Variants in RERE observed in about 807,000 individuals in gnomAD.
RERE encodes the protein arginine-glutamic acid dipeptide repeats.
In RERE, 40 loss-of-function variants were observed where a neutral mutation model predicts 146.1. That is an observed-to-expected ratio of 0.27 (90% CI 0.21 to 0.36). The LOEUF (loss-of-function observed/expected upper bound fraction) is 0.36. Ranked by LOEUF, RERE falls within the 10% of genes least tolerant of loss-of-function variation. The pLI is 1.00. For missense variants in RERE, 1,933 were observed against 2,138.7 expected (o/e 0.90, Z 1.90); for synonymous variants, 1,003 against 866.0 (o/e 1.16, Z -2.78).
chr1:8,422,730 T>C lies in RERE; in HGVS notation c.1281A>G (p.Glu427=), dbSNP rs1235652597. The part of the protein sequence containing the change: ...RIRKELLPNK[E]TGELITFYYY... ...CATAAAGTCCAATTGTACTCACTGT[T>C]TCCTTATTGGGAAGCAGCTCCTTTC... Residue 427 remains glutamate, a synonymous_variant, in exon 12 of 23, where the codon GAA becomes GAG. Transcript: ENST00000400908. 6.2e-7 allele frequency: 1 copy of C among 1,610,568 alleles called. No homozygotes were observed. The highest frequency in any genetic ancestry group is 8.5e-7 in the Non-Finnish European group (1 of 1,176,760).
chr1:8,653,771 A>C (rs755790138), intron 2 of RERE, among the ~76,000 whole-genome samples: 5 of 152,106 alleles, frequency 3.3e-5, no homozygotes, highest in Non-Finnish European at 5.9e-5. Context: ...CGCCCTAAAC[A>C]AGCAATCTGT....
chr1:8,450,914 A>G (rs1644383172), intron 11 of RERE, among the ~76,000 whole-genome samples: 1 of 152,098 alleles, frequency 6.6e-6, no homozygotes, highest in Non-Finnish European at 1.5e-5. Flanking sequence ...GTCTGTGTCT[A>G]CCATTCTTGG....
At chr1:8,746,876 AAGAGAGAGAG>A (rs201913344) in intron 1 of RERE, among the ~76,000 whole-genome samples, 7 of 145,292 alleles carry the variant, frequency 4.8e-5, no homozygotes, top group South Asian at 2.2e-4. Flanking sequence ...GGGAACAAAA[AAGAGAGAGAG>A]AGAGAGAGAG....
rs536366907 is a variant in RERE, at chr1:8,480,646, G to A, written c.1104+14417C>T. ...AGACGGGGTTTCACCATATTGGCCA[G>A]GCTGGTCTTGAACTCCTGACCTAAG... On this transcript the variant is annotated intron_variant, in intron 10 of 22. Transcript: ENST00000400908. Among the ~76,000 whole-genome samples the A allele has an allele frequency of 3.3e-5, 5 of 151,674 alleles. No homozygotes were observed. In the South Asian group the frequency reaches 1.0e-3, roughly 32 times the overall value.
At chr1:8,654,280 G>T (rs1557460276) in intron 2 of RERE, among the ~76,000 whole-genome samples, 1 of 151,676 alleles carries the variant, frequency 6.6e-6, no homozygotes, top group South Asian at 2.1e-4. Flanking sequence ...CAATCCTCCC[G>T]CCGCCTCAGC....
At chr1:8,773,186 A>G (rs1001099735) in intron 1 of RERE, among the ~76,000 whole-genome samples, 2 of 152,244 alleles carry the variant, frequency 1.3e-5, no homozygotes, top group Non-Finnish European at 2.9e-5. Flanking sequence ...TTGAATTACC[A>G]AAGAAAGTTT....
chr1:8,701,281 G>A (rs1411685540), intron 1 of RERE, among the ~76,000 whole-genome samples: 1 of 136,500 alleles, frequency 7.3e-6, no homozygotes, highest in African/African-American at 2.7e-5. Context: ...ATGGGGGTGA[G>A]GGGAATACAC....
chr1:8,657,354 T>C (rs1469830103), intron 1 of RERE, among the ~76,000 whole-genome samples: 1 of 150,360 alleles, frequency 6.7e-6, no homozygotes, highest in Non-Finnish European at 1.5e-5. Flanking sequence ...TCTCAGGATA[T>C]CGCATAGAGC....
chr1:8,747,065 G>A (rs542452628), intron 1 of RERE, among the ~76,000 whole-genome samples: 3 of 151,886 alleles, frequency 2.0e-5, no homozygotes, highest in South Asian at 2.1e-4. Context: ...AGGCTGGAGC[G>A]ATCTTGGCTC....
At chr1:8,619,655 T>C (rs1557439012) in intron 3 of RERE, among the ~76,000 whole-genome samples, 2 of 152,376 alleles carry the variant, frequency 1.3e-5, no homozygotes, top group East Asian at 3.9e-4. Flanking sequence ...CTCAGTGCTA[T>C]ACTGAATGAA....
intron 12 of RERE, chr1:8,380,861 A>G (rs1296081965): frequency 2.2e-6 from 1 of 456,608 alleles, no homozygotes; most frequent in Non-Finnish European, 4.4e-6. Flanking sequence ...TGGACCTTGG[A>G]GTCCTGGTCC....
rs527640285 is a variant in RERE at position 8,470,231 on chromosome 1, A to C, written c.1105-4208T>G. ...ACACAAAGACACATCTGAGAAGTAA[A>C]AAGTGTGGGATTATTTACCCAAAGT... On this transcript the variant is annotated intron_variant, in intron 10 of 22. Coordinates refer to ENST00000400908, the MANE Select transcript of RERE (RefSeq NM_001042681.2). Among the ~76,000 whole-genome samples, 18 of 152,140 alleles carry C rather than the reference A, an allele frequency of 1.2e-4. No homozygotes were observed. In the South Asian group the frequency reaches 3.5e-3, roughly 30 times the overall value.
chr1:8,813,309 G>A (rs79142655), intron 1 of RERE, among the ~76,000 whole-genome samples: 1,877 of 152,152 alleles, frequency 0.012, 44 homozygotes, highest in African/African-American at 0.043. Flanking sequence ...CCTTTAAATC[G>A]ACTGCAAAAG....
chr1:8,777,476 T>C (rs1186244795), intron 1 of RERE, among the ~76,000 whole-genome samples: 1 of 150,932 alleles, frequency 6.6e-6, no homozygotes, highest in African/African-American at 2.4e-5. Context: ...ATTTTCTACA[T>C]GAAATTAAAA....
chr1:8,668,282 A>G (rs1421465108), intron 1 of RERE, among the ~76,000 whole-genome samples: 1 of 152,232 alleles, frequency 6.6e-6, no homozygotes, highest in Non-Finnish European at 1.5e-5. Context: ...GTGAATTAGG[A>G]GAACATAATC....
At chr1:8,649,467 C>T (rs1647492940) in intron 2 of RERE, among the ~76,000 whole-genome samples, 1 of 152,100 alleles carries the variant, frequency 6.6e-6, no homozygotes, top group Non-Finnish European at 1.5e-5. Context: ...CGGTGGCTCT[C>T]ACCTGTAATC....
intron 12 of RERE, among the ~76,000 whole-genome samples, chr1:8,412,963 T>G (rs910255695): frequency 1.3e-5 from 2 of 152,360 alleles, no homozygotes; most frequent in South Asian, 4.1e-4. Flanking sequence ...GATGGATTTT[T>G]TTTTCCTTTG....
chr1:8,466,053 C>A (rs767113840), intron 10 of RERE, 30 bp from the exon 11 acceptor site: 25 of 1,559,444 alleles, frequency 1.6e-5, no homozygotes, highest in Admixed American at 6.9e-5. Context: ...AGTTAGCTAA[C>A]TGCACCAAAT....
chr1:8,503,909 T>C (rs543665649), intron 8 of RERE, among the ~76,000 whole-genome samples: 4 of 152,256 alleles, frequency 2.6e-5, no homozygotes, highest in South Asian at 2.1e-4. Flanking sequence ...ATGTGTATTA[T>C]GGAATTGAAG....
Sources: gnomAD v4.1 joint callset for allele counts (sites outside exome capture counted in the v4.1 genomes callset) on GRCh38, gnomAD v4.1.1 for gene constraint, MANE v1.5 for transcripts, NCBI Gene and HGNC (gene_info 2026-07-23, HGNC 2026-07-21) for gene names.